The following GLT8D2 variants were observed in gnomAD, a reference collection of about 807,000 sequenced individuals.
GLT8D2 encodes the protein glycosyltransferase 8 domain containing 2, also known as glycosyltransferase 8 domain-containing protein 2.
In GLT8D2, 45 loss-of-function variants were observed where a neutral mutation model predicts 44.5. The observed-to-expected ratio is 1.01, with a 90% CI of 0.80 to 1.30. GLT8D2 has a LOEUF of 1.30. Among genes scored for constraint, GLT8D2 ranks in the 50% most tolerant of loss-of-function variants. GLT8D2 has a pLI of 0.00. For missense variants in GLT8D2, 400 were observed against 430.4 expected, an observed-to-expected ratio of 0.93 and a Z score of 0.62; for synonymous variants, 156 against 157.2, an observed-to-expected ratio of 0.99 and a Z score of 0.06.
intron 1 of GLT8D2, among the ~76,000 whole-genome samples, chr12:104,043,004 C>G (rs182404952): frequency 6.6e-6 from 1 of 152,142 alleles, no homozygotes; most frequent in African/African-American, 2.4e-5. Context: ...AGAACTGCAC[C>G]ACAGGACTTG....
At chr12:104,020,372 G>A (rs1317312414) in intron 2 of GLT8D2, among the ~76,000 whole-genome samples, 5 of 151,836 alleles carry the variant, frequency 3.3e-5, no homozygotes, top group South Asian at 4.2e-4. Flanking sequence ...TTCGTTCCTC[G>A]ATAAGGCAGA....
chr12:104,001,230 C>T (rs1035218221), intron 5 of GLT8D2, among the ~76,000 whole-genome samples: 1 of 152,166 alleles, frequency 6.6e-6, no homozygotes, highest in Admixed American at 6.6e-5. Flanking sequence ...TGCCTTCTTT[C>T]GTTAACATCT....
chr12:104,027,390 A>G (rs1878710893), intron 1 of GLT8D2, among the ~76,000 whole-genome samples: 4 of 152,254 alleles, frequency 2.6e-5, no homozygotes, highest in Admixed American at 2.0e-4. Context: ...ATCTGGTATC[A>G]CAGGAGAGAA....
At position 104,003,204 on chromosome 12, in the gene GLT8D2, A is replaced by T. The variant is rs776604768; in HGVS notation, c.215T>A (p.Ile72Asn). Reference sequence around the variant, plus strand: ...GATGTTGGCGTCAGTGTTGCTGTAGATGCTATTGATGGCAGCCATAGTGGC... The same window carrying T: ...GATGTTGGCGTCAGTGTTGCTGTAGTTGCTATTGATGGCAGCCATAGTGGC... ...MGATMAAINS[I>N]YSNTDANILF... Residue 72 changes from isoleucine (I) to asparagine (N), a missense_variant, in exon 5 of 11, where the codon ATC becomes AAC. Coordinates refer to ENST00000360814, the MANE Select transcript of GLT8D2 (RefSeq NM_001384711.1). The T allele has an allele frequency of 1.2e-6, 2 of 1,614,056 alleles. No individual in the cohort carries two copies. Among genetic ancestry groups the T allele is most frequent in the Non-Finnish European group, 1.7e-6 (2 of 1,179,952 alleles).
chr12:104,030,428 A>C lies in GLT8D2; in HGVS notation c.-163-8937T>G, dbSNP rs1221087477. ...CATAATTAAATGTGTAAGATGTGAA[A>C]CTGTAAAACTAGAAGAAAACAGGGG... On this transcript the variant is annotated intron_variant, in intron 1 of 10. Transcript: ENST00000360814. Among the ~76,000 whole-genome samples, 15 of 152,004 alleles carry C rather than the reference A, an allele frequency of 9.9e-5. 1 individual carries two copies. Among genetic ancestry groups the C allele is most frequent in the Admixed American group, 9.8e-4 (15 of 15,268 alleles).
chr12:104,040,772 C>A (rs993014800), intron 1 of GLT8D2, among the ~76,000 whole-genome samples: 1 of 152,048 alleles, frequency 6.6e-6, no homozygotes, highest in African/African-American at 2.4e-5. Context: ...CTATGAGACT[C>A]GAGTATATAG....
chr12:104,011,865 G>A (rs944806459), intron 4 of GLT8D2, among the ~76,000 whole-genome samples: 11 of 151,826 alleles, frequency 7.2e-5, no homozygotes, highest in Non-Finnish European at 7.4e-5. Flanking sequence ...CCTTCTTAAT[G>A]GTAATACTAA....
rs893499792 is a variant in GLT8D2 at position 104,030,807 on chromosome 12, G to A, written c.-163-9316C>T. On this transcript the variant is annotated intron_variant, in intron 1 of 10. Transcript: ENST00000360814. ...GCCGCCTACAAACTGGTGCTGATCC[G>A]GCACGGCGAGAGCGCATGGAACCTG... 23 of 1,606,574 alleles carry A rather than the reference G, an allele frequency of 1.4e-5. No individual in the cohort carries two copies. In the African/African-American group the frequency reaches 2.7e-4, roughly 19 times the overall value.
chr12:104,002,538 T>C (rs1266565541), intron 5 of GLT8D2, among the ~76,000 whole-genome samples: 1 of 152,234 alleles, frequency 6.6e-6, no homozygotes, highest in Non-Finnish European at 1.5e-5. Flanking sequence ...AGAGAGACAC[T>C]CTCCAAACCA....
chr12:104,064,395 C>A, upstream of GLT8D2: 1 of 578,642 alleles, frequency 1.7e-6, no homozygotes, highest in Non-Finnish European at 2.7e-6. The surrounding 1 kb of genome is among the most constrained non-coding windows in gnomAD (Gnocchi z 7.3). Flanking sequence ...TGTCAGGACC[C>A]CCCTTCCCCA....
At position 103,994,501 on chromosome 12, in the gene GLT8D2, T is replaced by A. The variant is rs780749938; in HGVS notation, c.601A>T (p.Asn201Tyr). ...QDINRLVGLQ[N>Y]TYMGYLDYRK... ...TAGTCCAGATAGCCCATATATGTGT[T>A]CTGTAAGGGAACAGGATGTGCATGC... Residue 201 changes from asparagine to tyrosine, a missense_variant and splice_region_variant, in exon 9 of 11, where the codon AAC becomes TAC. Coordinates refer to ENST00000360814, the MANE Select transcript of GLT8D2 (RefSeq NM_001384711.1). The A allele has an allele frequency of 1.2e-6, 2 of 1,605,168 alleles. No homozygotes were observed. Among genetic ancestry groups the A allele is most frequent in the South Asian group, 2.3e-5 (2 of 88,884 alleles).
intron 4 of GLT8D2, 83 bp from the exon 5 acceptor site, chr12:104,003,389 G>A (rs1186115944): frequency 5.1e-6 from 6 of 1,183,298 alleles, no homozygotes; most frequent in African/African-American, 1.5e-5. Context: ...TACTCCTGGG[G>A]GAAGATGGCA....
chr12:104,057,142 A>T (rs554479842), intron 1 of GLT8D2, among the ~76,000 whole-genome samples: 113 of 152,344 alleles, frequency 7.4e-4, no homozygotes, highest in African/African-American at 2.7e-3. Flanking sequence ...AGTTGTAAGG[A>T]AAAGGATAAA....
chr12:104,053,528 G>A (rs1171475597), upstream of GLT8D2, among the ~76,000 whole-genome samples: 1 of 152,206 alleles, frequency 6.6e-6, no homozygotes, highest in African/African-American at 2.4e-5. Context: ...AAGACATCAT[G>A]CATGTAAGGC....
intron 7 of GLT8D2, among the ~76,000 whole-genome samples, chr12:103,997,090 C>T (rs990566599): frequency 6.6e-6 from 1 of 152,292 alleles, no homozygotes; most frequent in Non-Finnish European, 1.5e-5. Context: ...GATACCACAC[C>T]AATGCGTATC....
At chr12:104,014,297 G>A in intron 4 of GLT8D2, 1 of 700,900 alleles carries the variant, frequency 1.4e-6, no homozygotes, top group Non-Finnish European at 2.6e-6. Context: ...CGAGGCTGCA[G>A]GGAGCTGCTA....
chr12:104,048,376 T>C (rs545038127), intron 1 of GLT8D2, among the ~76,000 whole-genome samples: 199 of 152,324 alleles, frequency 1.3e-3, no homozygotes, highest in African/African-American at 4.5e-3. Flanking sequence ...TAAAATGCTA[T>C]TATGCCTTGC....
At chr12:104,035,002 G>A (rs1189445710) in intron 1 of GLT8D2, among the ~76,000 whole-genome samples, 11 of 152,306 alleles carry the variant, frequency 7.2e-5, no homozygotes, top group Admixed American at 3.3e-4. Flanking sequence ...TGCAGCCTCC[G>A]CTGGTGATAC....
At chr12:104,005,536 G>T (rs1419775012) in intron 4 of GLT8D2, among the ~76,000 whole-genome samples, 3 of 151,958 alleles carry the variant, frequency 2.0e-5, no homozygotes, top group African/African-American at 7.3e-5. Flanking sequence ...AAATTTACAA[G>T]AAAAAAACAA....
Sources: allele counts gnomAD v4.1 joint callset (sites outside exome capture counted in the v4.1 genomes callset), GRCh38; gene constraint gnomAD v4.1.1; non-coding constraint Gnocchi (gnomAD v3.1); transcripts MANE v1.5; gene names NCBI Gene and HGNC (gene_info 2026-07-23, HGNC 2026-07-21).